Variants in CNTN5 observed in about 807,000 individuals in gnomAD.
CNTN5 encodes contactin 5.
Under a neutral mutation model 129.1 loss-of-function variants are expected in CNTN5, and 77 were observed. The observed-to-expected ratio is 0.60, with a 90% CI of 0.50 to 0.72. CNTN5 has a LOEUF of 0.72. CNTN5 is among the 30% of genes least tolerant of loss of function. The pLI, the probability that CNTN5 is intolerant of heterozygous loss-of-function variation, is 0.00. For synonymous variants in CNTN5, 509 were observed against 465.6 expected (o/e 1.09, Z -1.20); for missense variants, 1,478 against 1,328.8 (o/e 1.11, Z -1.75).
At chr11:99,191,857 A>G (rs561673768) in intron 1 of CNTN5, among the ~76,000 whole-genome samples, 1 of 151,954 alleles carries the variant, frequency 6.6e-6, no homozygotes, top group South Asian at 2.1e-4. Context: ...TCCACATTAA[A>G]AAAGAAGATC....
At chr11:99,121,672 T>C (rs1858336578) in intron 1 of CNTN5, among the ~76,000 whole-genome samples, 2 of 152,188 alleles carry the variant, frequency 1.3e-5, no homozygotes. Context: ...ATCCATTTTG[T>C]TACTTGCTCG....
chr11:99,543,813 G>A (rs967772437), intron 2 of CNTN5, among the ~76,000 whole-genome samples: 1 of 150,132 alleles, frequency 6.7e-6, no homozygotes, highest in Non-Finnish European at 1.5e-5. Flanking sequence ...TGCTACTCAG[G>A]AGGCTGCTGT....
chr11:99,741,059 T>C (rs1943873750), intron 3 of CNTN5, among the ~76,000 whole-genome samples: 1 of 152,178 alleles, frequency 6.6e-6, no homozygotes, highest in Non-Finnish European at 1.5e-5. Flanking sequence ...ATCTTTGTCT[T>C]TGGAATTCTG....
intron 1 of CNTN5, among the ~76,000 whole-genome samples, chr11:99,232,694 A>G (rs1156841506): frequency 6.6e-6 from 1 of 152,166 alleles, no homozygotes; most frequent in Non-Finnish European, 1.5e-5. Context: ...TAAGTTAATG[A>G]GGGATATAAA....
At chr11:99,474,817 C>T (rs1945308257) in intron 2 of CNTN5, among the ~76,000 whole-genome samples, 1 of 152,042 alleles carries the variant, frequency 6.6e-6, no homozygotes, top group Admixed American at 6.6e-5. Flanking sequence ...TTTCTAGCAC[C>T]CCCTGCCATG....
intron 6 of CNTN5, among the ~76,000 whole-genome samples, chr11:99,877,775 G>A (rs1295968973): frequency 6.6e-6 from 1 of 152,170 alleles, no homozygotes; most frequent in African/African-American, 2.4e-5. Flanking sequence ...CATATGTTAA[G>A]CTTTCCTCAT....
chr11:99,519,270 C>A (rs1947180058), intron 2 of CNTN5, among the ~76,000 whole-genome samples: 1 of 151,980 alleles, frequency 6.6e-6, no homozygotes, highest in Admixed American at 6.6e-5. Context: ...TTATAGAAGC[C>A]CTCTTTGATC....
chr11:100,154,877 TG>T (rs1947186827), intron 13 of CNTN5, among the ~76,000 whole-genome samples: 1 of 152,214 alleles, frequency 6.6e-6, no homozygotes, highest in South Asian at 2.1e-4. Context: ...TTTTTTTTCT[TG>T]TAAATTTGTT....
intron 1 of CNTN5, among the ~76,000 whole-genome samples, chr11:99,038,821 A>G (rs1863867088): frequency 6.6e-6 from 1 of 151,832 alleles, no homozygotes; most frequent in African/African-American, 2.4e-5. Context: ...AAAATGTAAG[A>G]TGTATTATTC....
chr11:99,023,863 A>G (rs1158720213), intron 1 of CNTN5, among the ~76,000 whole-genome samples: 2 of 152,064 alleles, frequency 1.3e-5, no homozygotes, highest in East Asian at 3.9e-4. Flanking sequence ...GTTTTCTTGA[A>G]ATTCTGACTC....
intron 1 of CNTN5, among the ~76,000 whole-genome samples, chr11:99,270,032 G>C (rs1292779598): frequency 6.6e-6 from 1 of 151,732 alleles, no homozygotes; most frequent in Non-Finnish European, 1.5e-5. Flanking sequence ...ATTGGTGTGT[G>C]TGCCCTTCTT....
intron 2 of CNTN5, among the ~76,000 whole-genome samples, chr11:99,390,349 C>T (rs1244891554): frequency 1.3e-5 from 2 of 152,076 alleles, no homozygotes; most frequent in East Asian, 3.9e-4. Context: ...GAACCCATGG[C>T]TCAAACTATC....
chr11:99,129,736 G>C (rs1858836151), intron 1 of CNTN5, among the ~76,000 whole-genome samples: 1 of 152,124 alleles, frequency 6.6e-6, no homozygotes, highest in South Asian at 2.1e-4. Context: ...ACCTAAAAAG[G>C]GAAACCCATC....
intron 3 of CNTN5, among the ~76,000 whole-genome samples, chr11:99,600,121 T>A (rs1458880321): frequency 6.6e-6 from 1 of 152,108 alleles, no homozygotes; most frequent in Non-Finnish European, 1.5e-5. Flanking sequence ...AAATGTGCTG[T>A]ACACTTAACA....
rs1943139725 is a variant in CNTN5, at chr11:99,720,602, A to G, written c.56-98942A>G. ...CCTTGAAAATCTGTACAAGACAAGG[A>G]TGCCCTCTCTTACCACTCCTATTCA... On this transcript the variant is annotated intron_variant, in intron 3 of 24. Transcript: ENST00000524871. Among the ~76,000 whole-genome samples the G allele has an allele frequency of 2.0e-5, 3 of 152,256 alleles. No individual in the cohort carries two copies. In the South Asian group the frequency reaches 6.2e-4, roughly 32 times the overall value.
At chr11:99,859,862 C>T (rs115791770) in intron 6 of CNTN5, among the ~76,000 whole-genome samples, 3 of 152,072 alleles carry the variant, frequency 2.0e-5, no homozygotes, top group African/African-American at 7.2e-5. Context: ...TGGTTATATA[C>T]CCAGTAATGA....
chr11:99,130,165 C>A (rs193139682), intron 1 of CNTN5, among the ~76,000 whole-genome samples: 2 of 151,930 alleles, frequency 1.3e-5, no homozygotes, highest in African/African-American at 4.8e-5. Flanking sequence ...ATACAAAGAA[C>A]GGCAAGCTGG....
At chr11:100,070,601 G>A in intron 11 of CNTN5, 41 bp downstream of exon 11, 1 of 1,601,544 alleles carries the variant, frequency 6.2e-7, no homozygotes, top group African/African-American at 1.3e-5. Flanking sequence ...TGTAATTTTA[G>A]CGAGATTTCA....
intron 2 of CNTN5, among the ~76,000 whole-genome samples, chr11:99,401,834 C>T (rs6421594): frequency 0.99 from 151,352 of 152,238 alleles, 75,240 homozygotes; most frequent in Middle Eastern, 1. Context: ...TTTAACTTTA[C>T]TTGTTGCTAC....
Sources: allele counts gnomAD v4.1 joint callset (sites outside exome capture counted in the v4.1 genomes callset), GRCh38; gene constraint gnomAD v4.1.1; transcripts MANE v1.5; gene names NCBI Gene and HGNC (gene_info 2026-07-23, HGNC 2026-07-21).